The following FTO variants were observed in gnomAD, a reference collection of about 807,000 sequenced individuals.
FTO encodes the protein alpha-ketoglutarate-dependent dioxygenase FTO.
In FTO, 47 loss-of-function variants were observed where a neutral mutation model predicts 63.9. That is an observed-to-expected ratio of 0.74 (90% confidence interval 0.58 to 0.94). FTO has a LOEUF of 0.94. Ranked by LOEUF, FTO falls within the 40% of genes least tolerant of loss-of-function variation. The probability of loss-of-function intolerance (pLI) is 0.00; values close to 1 mark genes in which losing one functional copy is unlikely to be tolerated. For missense variants in FTO, 562 were observed against 618.1 expected (o/e 0.91, Z 0.96); for synonymous variants, 207 against 224.4 (o/e 0.92, Z 0.69).
chr16:54,018,409 G>GATAGATAGATACATACATAC (rs1474063795), intron 8 of FTO, among the ~76,000 whole-genome samples: 7 of 142,144 alleles, frequency 4.9e-5, no homozygotes, highest in Non-Finnish European at 9.1e-5. Context: ...TAGATAGATA[G>GATAGATAGATACATACATAC]ATACATACAT....
chr16:54,099,445 C>A (rs929540430), intron 8 of FTO, among the ~76,000 whole-genome samples: 1 of 152,152 alleles, frequency 6.6e-6, no homozygotes, highest in Admixed American at 6.5e-5. Flanking sequence ...CCAACCCGGC[C>A]TCTCTTAAAG....
intron 2 of FTO, among the ~76,000 whole-genome samples, chr16:53,820,447 C>T (rs1448809543): frequency 1.3e-5 from 2 of 151,306 alleles, no homozygotes; most frequent in African/African-American, 4.9e-5. Flanking sequence ...ACAGAGGGCA[C>T]CTATTTGAGG....
chr16:54,023,100 A>C (rs1173105390), intron 8 of FTO, among the ~76,000 whole-genome samples: 3 of 152,228 alleles, frequency 2.0e-5, no homozygotes, highest in Non-Finnish European at 4.4e-5. Context: ...TGGTGAATTC[A>C]GTGTTTCTGA....
chr16:53,720,842 T>C (rs948175727), intron 1 of FTO, among the ~76,000 whole-genome samples: 1 of 151,660 alleles, frequency 6.6e-6, no homozygotes, highest in Non-Finnish European at 1.5e-5. Context: ...CAGGCTGGAG[T>C]ACAGTGGCAC....
chr16:53,764,475 C>A (rs78155656), intron 1 of FTO, among the ~76,000 whole-genome samples: 1,054 of 118,042 alleles, frequency 8.9e-3, no homozygotes, highest in Non-Finnish European at 9.9e-3. Flanking sequence ...ACTAAAAATA[C>A]AAAAAAAAAA....
In FTO at chr16:53,909,532, C is replaced by CA. The variant is rs1482718998; in HGVS notation, c.1239+20581_1239+20582insA. Among the ~76,000 whole-genome samples, 11 of 71,184 alleles carry CA rather than the reference C, an allele frequency of 1.5e-4. No individual in the cohort carries two copies. The East Asian group carries it at 4.5e-3, about 29-fold the overall frequency. 46.7% of individuals were successfully genotyped at this position (71,184 alleles called of 152,430 possible). The stretch of plus-strand genomic sequence containing the variant: ...GAAAAAGAGGGACAGAGAGCCCCGC[C>CA]TTTTTTTTTTTTTTTTTTTTTTTTT... On this transcript the variant is annotated intron_variant, in intron 7 of 8. Coordinates refer to ENST00000471389, the MANE Select transcript of FTO (RefSeq NM_001080432.3).
intron 8 of FTO, among the ~76,000 whole-genome samples, chr16:54,006,813 T>C (rs1267981149): frequency 1.3e-5 from 2 of 152,250 alleles, no homozygotes; most frequent in Non-Finnish European, 2.9e-5. Flanking sequence ...AATATATGTG[T>C]ATTCCAGTCA....
chr16:54,066,993 A>G (rs1372122823), intron 8 of FTO, among the ~76,000 whole-genome samples: 1 of 152,224 alleles, frequency 6.6e-6, no homozygotes, highest in Non-Finnish European at 1.5e-5. Flanking sequence ...TTTGGCTTTC[A>G]TTAATGTTAT....
intron 8 of FTO, among the ~76,000 whole-genome samples, chr16:54,001,289 C>G (rs2084060437): frequency 6.6e-6 from 1 of 152,172 alleles, no homozygotes; most frequent in Non-Finnish European, 1.5e-5. Context: ...CCGTGCCATT[C>G]TATTCCGTGA....
chr16:53,966,289 C>G (rs1041209889), intron 8 of FTO, among the ~76,000 whole-genome samples: 10 of 152,198 alleles, frequency 6.6e-5, no homozygotes, highest in African/African-American at 2.4e-4. Context: ...CTTGTACCAT[C>G]ATTAAAATAA....
intron 8 of FTO, among the ~76,000 whole-genome samples, chr16:54,083,546 C>A (rs2086195124): frequency 6.6e-6 from 1 of 152,074 alleles, no homozygotes; most frequent in African/African-American, 2.4e-5. Flanking sequence ...AATAATATGC[C>A]AGTTTTAGAA....
intron 8 of FTO, among the ~76,000 whole-genome samples, chr16:53,985,964 G>A (rs1392374943): frequency 6.6e-6 from 1 of 152,112 alleles, no homozygotes; most frequent in East Asian, 1.9e-4. Flanking sequence ...CAACATTTCA[G>A]GTTCATGATG....
In FTO at chr16:54,103,868, T is replaced by G. The variant is rs1317948201; in HGVS notation, c.1365-7894T>G. Among the ~76,000 whole-genome samples, 4 of 152,156 alleles carry G rather than the reference T, an allele frequency of 2.6e-5. No individual in the cohort carries two copies. The East Asian group carries it at 7.7e-4, about 29-fold the overall frequency. On this transcript the variant is annotated intron_variant, in intron 8 of 8. Transcript: ENST00000471389. The stretch of plus-strand genomic sequence containing the variant: ...TTTTTCACCACTCGCTATAACAGAT[T>G]ATTTGGAGCAAAATATGGTGAGACT...
intron 8 of FTO, chr16:53,979,619 G>A (rs1055083266): frequency 1.5e-5 from 6 of 388,334 alleles, no homozygotes; most frequent in Admixed American, 8.9e-5. Context: ...CTTTTGTGGC[G>A]TACATGTTAA....
intron 8 of FTO, among the ~76,000 whole-genome samples, chr16:53,996,422 A>G (rs1207209736): frequency 1.3e-5 from 2 of 152,204 alleles, no homozygotes; most frequent in Admixed American, 1.3e-4. Context: ...CCACTGAGTA[A>G]CACTGGAGCA....
intron 8 of FTO, among the ~76,000 whole-genome samples, chr16:54,093,221 C>T (rs1351317668): frequency 2.6e-5 from 4 of 152,128 alleles, no homozygotes; most frequent in Middle Eastern, 3.2e-3. Context: ...AGGACCTTTG[C>T]GAGTCAGTCT....
chr16:53,961,927 C>G (rs528270470), intron 8 of FTO, among the ~76,000 whole-genome samples: 2 of 152,094 alleles, frequency 1.3e-5, no homozygotes, highest in African/African-American at 2.4e-5. Flanking sequence ...AACTGGGAGT[C>G]CTTGAACACC....
intron 8 of FTO, among the ~76,000 whole-genome samples, chr16:54,097,316 CTTTTTTTGTTT>C (rs2086536926): frequency 6.8e-6 from 1 of 146,944 alleles, no homozygotes. Flanking sequence ...TTAGCTTGCT[CTTTTTTTGTTT>C]TTTTTTTGTT....
Position 53,844,194 on chromosome 16 carries a change from G to T in FTO, c.791G>T (p.Gly264Val). 6.2e-7 allele frequency: 1 copy of T among 1,613,790 alleles called. No homozygotes were observed. The highest frequency in any genetic ancestry group is 8.5e-7 in the Non-Finnish European group (1 of 1,179,788). Residue 264 changes from glycine to valine, a missense_variant, in exon 4 of 9, where the codon GGC (glycine) becomes GTC (valine). Coordinates refer to ENST00000471389, the MANE Select transcript of FTO (RefSeq NM_001080432.3). ...EESEDDSHLE[G>V]RDPDIWHVGF... is the part of the protein sequence containing the mutation. Reference sequence around the variant, plus strand: ...AGTGAGGATGACTCTCATCTCGAAGGCAGGGATCCTGATATTTGGCATGTT... The same window carrying T: ...AGTGAGGATGACTCTCATCTCGAAGTCAGGGATCCTGATATTTGGCATGTT...
Sources: allele counts gnomAD v4.1 joint callset (sites outside exome capture counted in the v4.1 genomes callset), GRCh38; gene constraint gnomAD v4.1.1; transcripts MANE v1.5; gene names NCBI Gene and HGNC (gene_info 2026-07-23, HGNC 2026-07-21).